CIMIP6: variants seen among roughly 807,000 people sequenced by gnomAD.
CIMIP6 encodes uncharacterized protein C2orf73.
At chr2:54,360,662 A>T in the CIMIP6 span, 7 of 1,165,118 alleles carry the variant, frequency 6.0e-6, no homozygotes, top group Non-Finnish European at 8.2e-6. Flanking sequence ...CAGTAACTTC[A>T]GAACATACAA....
chr2:54,346,127 A>G, the CIMIP6 span, among the ~76,000 whole-genome samples: 3 of 152,188 alleles, frequency 2.0e-5, no homozygotes, highest in Non-Finnish European at 2.9e-5. Context: ...AATGTATGTA[A>G]TTATGTAATA....
chr2:54,334,099 T>C, the CIMIP6 span, among the ~76,000 whole-genome samples: 55 of 152,344 alleles, frequency 3.6e-4, no homozygotes, highest in Non-Finnish European at 7.6e-4. Context: ...CAAATTCATA[T>C]ATTTCATTCT....
At chr2:54,377,006 C>T in the CIMIP6 span, among the ~76,000 whole-genome samples, 2 of 152,210 alleles carry the variant, frequency 1.3e-5, no homozygotes, top group African/African-American at 4.8e-5. Flanking sequence ...CTTTACTTCT[C>T]ACCTTAGCAG....
chr2:54,345,915 C>T, the CIMIP6 span, among the ~76,000 whole-genome samples: 2 of 152,096 alleles, frequency 1.3e-5, no homozygotes, highest in African/African-American at 4.8e-5. Flanking sequence ...AAATAAGTAT[C>T]AACATGGAAT....
the CIMIP6 span, among the ~76,000 whole-genome samples, chr2:54,358,765 T>G: frequency 6.6e-6 from 1 of 150,682 alleles, no homozygotes; most frequent in Non-Finnish European, 1.5e-5. Flanking sequence ...TGGGGCTAAT[T>G]TGGTTGTTTT....
chr2:54,374,773 G>A, the CIMIP6 span, among the ~76,000 whole-genome samples: 1 of 152,138 alleles, frequency 6.6e-6, no homozygotes, highest in Non-Finnish European at 1.5e-5. Flanking sequence ...GCTAAATTTT[G>A]CTTCTAGAGC....
At chr2:54,337,196 GA>G in the CIMIP6 span, among the ~76,000 whole-genome samples, 1 of 152,178 alleles carries the variant, frequency 6.6e-6, no homozygotes, top group Non-Finnish European at 1.5e-5. Flanking sequence ...TTTAGATGGA[GA>G]TTGCTTTTTG....
At chr2:54,351,346 T>A in the CIMIP6 span, among the ~76,000 whole-genome samples, 1 of 152,232 alleles carries the variant, frequency 6.6e-6, no homozygotes, top group African/African-American at 2.4e-5. Context: ...GCAGCACTAT[T>A]CACAATAGCA....
the CIMIP6 span, among the ~76,000 whole-genome samples, chr2:54,373,484 G>A: frequency 7.2e-5 from 11 of 152,168 alleles, no homozygotes; most frequent in Middle Eastern, 3.4e-3. Context: ...TGTCGCTTTT[G>A]CAACACTTCC....
At chr2:54,365,096 G>T in the CIMIP6 span, among the ~76,000 whole-genome samples, 2 of 152,172 alleles carry the variant, frequency 1.3e-5, no homozygotes, top group Non-Finnish European at 2.9e-5. Context: ...CAGGATCCTA[G>T]AAGAGCTTTG....
the CIMIP6 span, among the ~76,000 whole-genome samples, chr2:54,371,113 G>A: frequency 1.2e-4 from 18 of 152,228 alleles, no homozygotes; most frequent in Admixed American, 2.0e-4. Flanking sequence ...AGGGCCCGAT[G>A]GGTTGATAGA....
chr2:54,373,387 G>A, the CIMIP6 span, among the ~76,000 whole-genome samples: 12 of 151,888 alleles, frequency 7.9e-5, no homozygotes, highest in Admixed American at 2.6e-4. Context: ...GCCTAGTGCC[G>A]ATATCACCCT....
the CIMIP6 span, among the ~76,000 whole-genome samples, chr2:54,367,070 C>T: frequency 6.6e-6 from 1 of 152,026 alleles, no homozygotes; most frequent in African/African-American, 2.4e-5. Flanking sequence ...AACTAGACTC[C>T]ATGGTTTGAT....
At chr2:54,362,566 GT>G in the CIMIP6 span, among the ~76,000 whole-genome samples, 15 of 152,136 alleles carry the variant, frequency 9.9e-5, no homozygotes, top group East Asian at 2.1e-3. Context: ...GTGGTTTTTT[GT>G]TTTGAGGCAG....
chr2:54,366,941 T>C, the CIMIP6 span, among the ~76,000 whole-genome samples: 1 of 152,112 alleles, frequency 6.6e-6, no homozygotes, highest in African/African-American at 2.4e-5. Context: ...CTGAAGTAGA[T>C]AGTGTTAATA....
chr2:54,366,865 T>C, the CIMIP6 span, among the ~76,000 whole-genome samples: 4 of 152,152 alleles, frequency 2.6e-5, no homozygotes, highest in Admixed American at 1.3e-4. Context: ...ATAATACTTA[T>C]ATAACTGTAC....
At chr2:54,346,543 C>T in the CIMIP6 span, among the ~76,000 whole-genome samples, 11 of 152,252 alleles carry the variant, frequency 7.2e-5, no homozygotes, top group African/African-American at 2.6e-4. Flanking sequence ...CCAAACTTAT[C>T]CTCCACTAGT....
chr2:54,360,447 G>A, the CIMIP6 span: 1 of 1,592,442 alleles, frequency 6.3e-7, no homozygotes, highest in Non-Finnish European at 8.6e-7. Context: ...GCCAAGGCAT[G>A]CCCCAGCACT....
At chr2:54,368,780 C>G in the CIMIP6 span, among the ~76,000 whole-genome samples, 1 of 152,224 alleles carries the variant, frequency 6.6e-6, no homozygotes, top group Non-Finnish European at 1.5e-5. Flanking sequence ...TGGCATTACT[C>G]CATGCCATGT....
Sources: gnomAD v4.1 joint callset for allele counts (sites outside exome capture counted in the v4.1 genomes callset) on GRCh38, gnomAD v4.1.1 for gene constraint, MANE v1.5 for transcripts, NCBI Gene and HGNC (gene_info 2026-07-23, HGNC 2026-07-21) for gene names.